The following SNTG1 variants were observed in gnomAD, a reference collection of about 807,000 sequenced individuals.
SNTG1 encodes the protein gamma-1-syntrophin.
SNTG1 carries 39 observed loss-of-function variants against 74.7 expected under a neutral mutation model. The observed-to-expected ratio is 0.52, with a 90% CI of 0.40 to 0.68. SNTG1 has a LOEUF of 0.68. Among genes scored for constraint, SNTG1 ranks in the 30% least tolerant of loss-of-function variants. The pLI, the probability that SNTG1 is intolerant of heterozygous loss-of-function variation, is 0.00. For missense variants in SNTG1, 685 were observed against 609.5 expected (o/e 1.12, Z -1.30); for synonymous variants, 254 against 217.1 (o/e 1.17, Z -1.49).
intron 18 of SNTG1, among the ~76,000 whole-genome samples, chr8:50,776,525 A>G (rs1452076777): frequency 6.8e-6 from 1 of 147,866 alleles, no homozygotes; most frequent in Non-Finnish European, 1.5e-5. Context: ...CTTATATTTC[A>G]TATTTTATAC....
intron 1 of SNTG1, among the ~76,000 whole-genome samples, chr8:49,918,960 G>T (rs1326656280): frequency 6.6e-6 from 1 of 152,096 alleles, no homozygotes; most frequent in Non-Finnish European, 1.5e-5. Context: ...GATTATAGCA[G>T]GTATGGCTTG....
chr8:50,359,943 T>C (rs2091914324), intron 2 of SNTG1, among the ~76,000 whole-genome samples: 1 of 152,152 alleles, frequency 6.6e-6, no homozygotes, highest in African/African-American at 2.4e-5. Flanking sequence ...TCTAACCACA[T>C]TAGTGCACAA....
At chr8:50,136,989 G>C (rs1024710540) in intron 1 of SNTG1, among the ~76,000 whole-genome samples, 1 of 152,004 alleles carries the variant, frequency 6.6e-6, no homozygotes, top group African/African-American at 2.4e-5. Context: ...TTGTGGCCCT[G>C]TGGTACTCTC....
intron 1 of SNTG1, among the ~76,000 whole-genome samples, chr8:50,020,316 C>T (rs1449469837): frequency 2.0e-5 from 3 of 152,058 alleles, no homozygotes; most frequent in Non-Finnish European, 2.9e-5. Context: ...TTGGTTTTGA[C>T]ATATTTACAC....
intron 2 of SNTG1, among the ~76,000 whole-genome samples, chr8:50,262,434 G>C (rs745476323): frequency 1.3e-5 from 2 of 152,004 alleles, no homozygotes; most frequent in South Asian, 4.1e-4. Context: ...GTTTTGAGAC[G>C]GAGTGTCGCT....
At chr8:50,076,523 A>G (rs901821257) in intron 1 of SNTG1, among the ~76,000 whole-genome samples, 2 of 152,172 alleles carry the variant, frequency 1.3e-5, no homozygotes, top group African/African-American at 4.8e-5. Context: ...TATTAAAATG[A>G]AAAACTGCTT....
chr8:50,093,189 A>G (rs1398939896), intron 1 of SNTG1, among the ~76,000 whole-genome samples: 1 of 152,162 alleles, frequency 6.6e-6, no homozygotes, highest in Admixed American at 6.5e-5. Flanking sequence ...TAATTCTCAA[A>G]CATTAATATA....
At chr8:50,076,583 A>T (rs561460224) in intron 1 of SNTG1, among the ~76,000 whole-genome samples, 54 of 151,692 alleles carry the variant, frequency 3.6e-4, no homozygotes, top group African/African-American at 1.2e-3. Flanking sequence ...TTAGGCCTAA[A>T]TATTCCGTCG....
chr8:50,363,295 CT>C (rs1321581090), intron 2 of SNTG1, among the ~76,000 whole-genome samples: 1 of 152,174 alleles, frequency 6.6e-6, no homozygotes, highest in African/African-American at 2.4e-5. Flanking sequence ...TTTACATCCC[CT>C]CTCCATAACT....
At chr8:50,094,229 T>A (rs2079846465) in intron 1 of SNTG1, among the ~76,000 whole-genome samples, 1 of 151,924 alleles carries the variant, frequency 6.6e-6, no homozygotes, top group Non-Finnish European at 1.5e-5. Context: ...GAGATTATTG[T>A]GCTAAGGGAA....
intron 2 of SNTG1, among the ~76,000 whole-genome samples, chr8:50,229,124 A>G (rs2085485504): frequency 6.6e-6 from 1 of 151,554 alleles, no homozygotes; most frequent in African/African-American, 2.4e-5. Flanking sequence ...ACTATTTCTA[A>G]AAATGTATGG....
intron 1 of SNTG1, among the ~76,000 whole-genome samples, chr8:49,986,539 A>G (rs1813168107): frequency 6.6e-6 from 1 of 152,098 alleles, no homozygotes. Context: ...CAGATTAAAT[A>G]ATAAACATCT....
chr8:50,568,253 GCTAT>G (rs1033274303), intron 12 of SNTG1, among the ~76,000 whole-genome samples: 2 of 151,764 alleles, frequency 1.3e-5, no homozygotes, highest in South Asian at 2.1e-4. Flanking sequence ...GTGTGTGTGT[GCTAT>G]CTATTTATCC....
intron 2 of SNTG1, among the ~76,000 whole-genome samples, chr8:50,259,703 A>T (rs896651962): frequency 6.6e-6 from 1 of 152,102 alleles, no homozygotes; most frequent in Non-Finnish European, 1.5e-5. Context: ...GAAGTTGTCA[A>T]TTTCATTCAC....
intron 4 of SNTG1, among the ~76,000 whole-genome samples, chr8:50,432,400 A>ATGTTG (rs1213411880): frequency 6.6e-6 from 1 of 151,568 alleles, no homozygotes. Context: ...CAAAAATGCC[A>ATGTTG]TGTTGTGTTG....
At chr8:49,923,258 G>C (rs1384577896) in intron 1 of SNTG1, among the ~76,000 whole-genome samples, 1 of 151,838 alleles carries the variant, frequency 6.6e-6, no homozygotes, top group Non-Finnish European at 1.5e-5. Context: ...TTCAATGTTG[G>C]GATTTTGTTA....
chr8:50,542,394 T>C (rs1428376332), intron 11 of SNTG1, among the ~76,000 whole-genome samples: 1 of 151,962 alleles, frequency 6.6e-6, no homozygotes, highest in Admixed American at 6.6e-5. Flanking sequence ...TGACCTCAAG[T>C]GATCCACCCG....
chr8:50,513,069 G>T (rs564520648), intron 9 of SNTG1, among the ~76,000 whole-genome samples: 14 of 152,254 alleles, frequency 9.2e-5, no homozygotes, highest in African/African-American at 3.4e-4. Context: ...GGTCTTTGAT[G>T]ATGGTGATGT....
At chr8:50,281,736 C>G (rs1182378702) in intron 2 of SNTG1, among the ~76,000 whole-genome samples, 2 of 152,014 alleles carry the variant, frequency 1.3e-5, no homozygotes, top group Admixed American at 6.6e-5. Flanking sequence ...CCATTTTTAC[C>G]AAAAATAATC....
Sources: allele counts gnomAD v4.1 joint callset (sites outside exome capture counted in the v4.1 genomes callset), GRCh38; gene constraint gnomAD v4.1.1; transcripts MANE v1.5; gene names NCBI Gene and HGNC (gene_info 2026-07-23, HGNC 2026-07-21).